Variants in KIRREL3 observed in about 807,000 individuals in gnomAD.
KIRREL3 encodes the protein kin of IRRE-like protein 3.
In KIRREL3, 36 loss-of-function variants were observed where a neutral mutation model predicts 89.7. That is an observed-to-expected ratio of 0.40 (90% CI 0.31 to 0.53). KIRREL3 has a LOEUF of 0.53. Among genes scored for constraint, KIRREL3 ranks in the 20% least tolerant of loss-of-function variants. KIRREL3 has a pLI of 0.49. For synonymous variants in KIRREL3, 445 were observed against 441.4 expected (o/e 1.01, Z -0.10); for missense variants, 864 against 1,056.6 (o/e 0.82, Z 2.53).
intron 2 of KIRREL3, among the ~76,000 whole-genome samples, chr11:126,542,099 A>G (rs625518): frequency 0.61 from 92,660 of 152,072 alleles, 28,849 homozygotes; most frequent in East Asian, 0.95. Context: ...CCTGTGAAGG[A>G]CCACGTGGCT....
In KIRREL3 at chr11:126,525,054, A is replaced by T. The variant is rs908129823; in HGVS notation, c.283+1484T>A. On this transcript the variant is annotated intron_variant, in intron 3 of 16. Coordinates refer to ENST00000525144, the MANE Select transcript of KIRREL3 (RefSeq NM_032531.4). This position sits in a 1 kb window ranked among gnomAD's most constrained non-coding sequence, Gnocchi z 5.4. ...AGGCCATTGTTCTGCAGCCCTAAGC[A>T]GGTACCAGTCCTGGATCCCAGAAAG... Among the ~76,000 whole-genome samples, 3 of 152,184 alleles carry T rather than the reference A, an allele frequency of 2.0e-5. No individual in the cohort carries two copies. The highest frequency in any genetic ancestry group is 4.8e-5 in the African/African-American group (2 of 41,438).
intron 1 of KIRREL3, among the ~76,000 whole-genome samples, chr11:126,819,563 G>C (rs114655712): frequency 9.1e-4 from 138 of 152,358 alleles, no homozygotes; most frequent in Middle Eastern, 3.4e-3. Context: ...CCCCAATTAA[G>C]AGCACGTTGG....
chr11:126,885,973 T>C (rs1945679604), intron 1 of KIRREL3, among the ~76,000 whole-genome samples: 1 of 152,170 alleles, frequency 6.6e-6, no homozygotes, highest in African/African-American at 2.4e-5. Context: ...GAAACAGTTT[T>C]CTTTCTTCCC....
At chr11:126,466,478 CA>C (rs1956730015) in intron 5 of KIRREL3, among the ~76,000 whole-genome samples, 1 of 152,206 alleles carries the variant, frequency 6.6e-6, no homozygotes, top group African/African-American at 2.4e-5. Flanking sequence ...CTGGGGGGCC[CA>C]GGGGGAAGGC....
At chr11:126,654,363 A>G (rs1019218608) in intron 1 of KIRREL3, among the ~76,000 whole-genome samples, 10 of 146,370 alleles carry the variant, frequency 6.8e-5, no homozygotes, top group Non-Finnish European at 6.0e-5. Flanking sequence ...TTTTCACAGC[A>G]TATTGCAATG....
At position 126,501,750 on chromosome 11, in the gene KIRREL3, G is replaced by A. The variant is rs973303421; in HGVS notation, c.433+19565C>T. On this transcript the variant is annotated intron_variant, in intron 4 of 16. Coordinates refer to ENST00000525144, the MANE Select transcript of KIRREL3 (RefSeq NM_032531.4). The surrounding 1 kb of genome is among the most constrained non-coding windows in gnomAD (Gnocchi z 5.8). ...ACTCGCCTGGCCCTGGGCACTGCTTGCCTCTGCCTGCCTTTGCCTCCTTTT... is the reference window on the plus strand; with the variant it reads ...ACTCGCCTGGCCCTGGGCACTGCTTACCTCTGCCTGCCTTTGCCTCCTTTT... 1.3e-5 allele frequency among the ~76,000 whole-genome samples: 2 copies of A among 152,170 alleles called. No individual in the cohort carries two copies. Among genetic ancestry groups the A allele is most frequent in the African/African-American group, 2.4e-5 (1 of 41,430 alleles).
intron 1 of KIRREL3, among the ~76,000 whole-genome samples, chr11:126,699,617 C>T (rs1182079918): frequency 6.6e-6 from 1 of 151,986 alleles, no homozygotes; most frequent in Non-Finnish European, 1.5e-5. Flanking sequence ...TAGGTAATGT[C>T]TTCAAAGTCT....
At chr11:126,503,159 G>T (rs951746633) in intron 4 of KIRREL3, among the ~76,000 whole-genome samples, 4 of 152,190 alleles carry the variant, frequency 2.6e-5, no homozygotes, top group Non-Finnish European at 4.4e-5. Flanking sequence ...TCTTAGATAA[G>T]CTGCTGTTTT....
rs114492127 is a variant in KIRREL3, at chr11:126,468,467, G to A, written c.591+4842C>T. 9.5e-4 allele frequency among the ~76,000 whole-genome samples: 144 copies of A among 152,360 alleles called. 2 individuals are homozygous for A. Among genetic ancestry groups the A allele is most frequent in the African/African-American group, 3.2e-3 (133 of 41,592 alleles). ...TGTGACAGTGGCCTGTTAAGGAGAA[G>A]CATGGCCAGCCTGTGCTGGGGGAGG... On this transcript the variant is annotated intron_variant, in intron 5 of 16. Coordinates refer to ENST00000525144, the MANE Select transcript of KIRREL3 (RefSeq NM_032531.4).
intron 1 of KIRREL3, among the ~76,000 whole-genome samples, chr11:126,939,489 C>T (rs1277302607): frequency 1.3e-5 from 2 of 152,202 alleles, no homozygotes; most frequent in East Asian, 3.9e-4. Context: ...TGCTGAGAGG[C>T]TACCTTATTT....
rs145794508 is a variant in KIRREL3 at position 126,677,538 on chromosome 11, G to C, written c.56-114626C>G. On this transcript the variant is annotated intron_variant, in intron 1 of 16. Coordinates refer to ENST00000525144, the MANE Select transcript of KIRREL3 (RefSeq NM_032531.4). This position sits in a 1 kb window ranked among gnomAD's most constrained non-coding sequence, Gnocchi z 5.1. ...CTGAGGTTCGGAGGTGAAATGACTT[G>C]TCAGAGGCCCCAGGGACAGTCAGTG... 6.6e-6 allele frequency among the ~76,000 whole-genome samples: 1 copy of C among 152,294 alleles called. No individual in the cohort carries two copies. The highest frequency in any genetic ancestry group is 2.4e-5 in the African/African-American group (1 of 41,562).
At chr11:126,630,949 G>A (rs902199335) in intron 1 of KIRREL3, among the ~76,000 whole-genome samples, 1 of 152,134 alleles carries the variant, frequency 6.6e-6, no homozygotes, top group Admixed American at 6.5e-5. Context: ...GACCAACTAG[G>A]AGACAGAGGC....
At chr11:126,865,860 T>C (rs1230739193) in intron 1 of KIRREL3, among the ~76,000 whole-genome samples, 1 of 152,182 alleles carries the variant, frequency 6.6e-6, no homozygotes, top group African/African-American at 2.4e-5. Context: ...AACATGTTTT[T>C]TCTTTCTTTT....
At chr11:126,846,833 T>G (rs1944159203) in intron 1 of KIRREL3, among the ~76,000 whole-genome samples, 2 of 152,192 alleles carry the variant, frequency 1.3e-5, no homozygotes, top group African/African-American at 2.4e-5. Flanking sequence ...ACTGAACAGT[T>G]GAACAAATTG....
rs1950088990 is a variant in KIRREL3, at chr11:126,993,325, A to C, written c.55+7130T>G. Among the ~76,000 whole-genome samples, 1 of 151,864 alleles carries C rather than the reference A, an allele frequency of 6.6e-6. No homozygotes were observed. Among genetic ancestry groups the C allele is most frequent in the South Asian group, 2.1e-4 (1 of 4,820 alleles). On this transcript the variant is annotated intron_variant, in intron 1 of 16. Coordinates refer to ENST00000525144, the MANE Select transcript of KIRREL3 (RefSeq NM_032531.4). The surrounding 1 kb of genome is among the most constrained non-coding windows in gnomAD (Gnocchi z 6.1). ...TCTCCCACTTCCCTAACACAGCAGC[A>C]CTCTAGCCATCATACTGCCCATGGC...
intron 1 of KIRREL3, among the ~76,000 whole-genome samples, chr11:126,617,287 G>A (rs1409197196): frequency 1.3e-5 from 2 of 152,232 alleles, no homozygotes; most frequent in Non-Finnish European, 2.9e-5. Flanking sequence ...ATGGCAGGTG[G>A]TGAAGAAACA....
intron 1 of KIRREL3, among the ~76,000 whole-genome samples, chr11:126,951,471 G>A (rs991124516): frequency 1.3e-5 from 2 of 152,202 alleles, no homozygotes; most frequent in African/African-American, 4.8e-5. Flanking sequence ...ACTGATCAGT[G>A]TGAGAAGGAG....
rs907866861 is a variant in KIRREL3 at position 126,994,877 on chromosome 11, A to G, written c.55+5578T>C. ...GGCAGGACATAGCATCCCTTCCCCA[A>G]CCATGAGAGAAGTATTCTGATGATC... On this transcript the variant is annotated intron_variant, in intron 1 of 16. Transcript: ENST00000525144. This position sits in a 1 kb window ranked among gnomAD's most constrained non-coding sequence, Gnocchi z 5.2. 6.6e-6 allele frequency among the ~76,000 whole-genome samples: 1 copy of G among 152,124 alleles called. No homozygotes were observed. The highest frequency in any genetic ancestry group is 1.5e-5 in the Non-Finnish European group (1 of 68,014).
At position 126,723,392 on chromosome 11, in the gene KIRREL3, G is replaced by A. The variant is rs1948255821; in HGVS notation, c.56-160480C>T. Among the ~76,000 whole-genome samples the A allele has an allele frequency of 6.6e-6, 1 of 152,130 alleles. No individual in the cohort carries two copies. Among genetic ancestry groups the A allele is most frequent in the Non-Finnish European group, 1.5e-5 (1 of 68,032 alleles). On this transcript the variant is annotated intron_variant, in intron 1 of 16. Transcript: ENST00000525144. This position sits in a 1 kb window ranked among gnomAD's most constrained non-coding sequence, Gnocchi z 4.0. ...CTAGAAATAGGCAAAGAAGGGAGGG[G>A]ACAGGCTCTGTTTCATTTCACTCTA...
Sources: allele counts gnomAD v4.1 joint callset (sites outside exome capture counted in the v4.1 genomes callset), GRCh38; gene constraint gnomAD v4.1.1; non-coding constraint Gnocchi (gnomAD v3.1); transcripts MANE v1.5; gene names NCBI Gene and HGNC (gene_info 2026-07-23, HGNC 2026-07-21).